NSUN2: variants seen among roughly 807,000 people sequenced by gnomAD.
NSUN2 encodes NOP2/Sun RNA methyltransferase 2, also known as RNA cytosine C(5)-methyltransferase NSUN2.
NSUN2 carries 63 observed loss-of-function variants against 92.7 expected under a neutral mutation model. The observed-to-expected ratio is 0.68, with a 90% CI of 0.56 to 0.84. The LOEUF (loss-of-function observed/expected upper bound fraction) is 0.84, where lower values mean the gene tolerates loss of function less well. NSUN2 is among the 40% of genes least tolerant of loss of function. NSUN2 has a pLI of 0.00. For missense variants in NSUN2, 989 were observed against 964.9 expected, an observed-to-expected ratio of 1.02 and a Z score of -0.33; for synonymous variants, 356 against 348.3, an observed-to-expected ratio of 1.02 and a Z score of -0.25.
intron 3 of NSUN2, among the ~76,000 whole-genome samples, chr5:6,631,588 G>C (rs984510934): frequency 2.0e-5 from 3 of 152,214 alleles, no homozygotes; most frequent in African/African-American, 7.2e-5. Context: ...GAGAAAACAA[G>C]GGCTGTAAAA....
chr5:6,616,866 AG>A lies in NSUN2; in HGVS notation c.891-10del. 1.2e-6 allele frequency: 2 copies of A among 1,609,656 alleles called. No individual in the cohort carries two copies. Among genetic ancestry groups the A allele is most frequent in the Non-Finnish European group, 1.7e-6 (2 of 1,177,714 alleles). Reference sequence around the variant, plus strand: ...CAATCCGCAGCTGTAAGCTAAGGGGAGATATCAGATGACTGCAAGGCCAAAT... The same window carrying A: ...CAATCCGCAGCTGTAAGCTAAGGGGAATATCAGATGACTGCAAGGCCAAAT... On this transcript the variant is annotated splice_polypyrimidine_tract_variant and intron_variant, in intron 8 of 18. Transcript: ENST00000264670.
At chr5:6,630,268 C>G (rs759358341) in intron 3 of NSUN2, among the ~76,000 whole-genome samples, 1 of 152,192 alleles carries the variant, frequency 6.6e-6, no homozygotes, top group African/African-American at 2.4e-5. Context: ...CTATACTGTA[C>G]CCTTCAAGCT....
At chr5:6,622,932 C>T (rs1737508411) in intron 5 of NSUN2, among the ~76,000 whole-genome samples, 1 of 149,706 alleles carries the variant, frequency 6.7e-6, no homozygotes, top group South Asian at 2.1e-4. Flanking sequence ...CTATCATTTT[C>T]AACCTAATTT....
At position 6,604,249 on chromosome 5, in the gene NSUN2, T is replaced by G. The variant is rs1736669396; in HGVS notation, c.1846A>C (p.Asn616His). The G allele has an allele frequency of 6.3e-7, 1 of 1,599,206 alleles. No homozygotes were observed. The highest frequency in any genetic ancestry group is 8.6e-7 in the Non-Finnish European group (1 of 1,166,996). ...ATTGATACAGTAATAATTCTTGAGT[T>G]AATAAATGGATACAATGTATATATT... The part of the protein sequence containing the change: ...EGIYTLYPFI[N>H]SRIITVSMED... Residue 616 changes from asparagine (N) to histidine (H), a missense_variant, in exon 17 of 19, where the codon AAC (asparagine) becomes CAC (histidine). By Grantham distance (68) the Asn-to-His change is moderately conservative. This residue lies in a region of NSUN2 where 626 missense variants were observed against 602.3 expected (regional missense o/e 1.04). Transcript: ENST00000264670.
chr5:6,611,656 T>C, intron 10 of NSUN2, 69 bp downstream of exon 10: 2 of 1,322,582 alleles, frequency 1.5e-6, no homozygotes, highest in East Asian at 2.3e-5. Context: ...GTGAATGCTT[T>C]GAAACTTGAC....
At chr5:6,607,098 G>GC (rs1239926501) in intron 13 of NSUN2, 102 bp downstream of exon 13, 5 of 1,204,028 alleles carry the variant, frequency 4.2e-6, no homozygotes, top group Non-Finnish European at 6.1e-6. Context: ...CACATGTACT[G>GC]CCCCCTCAAA....
chr5:6,602,640 T>A, intron 17 of NSUN2, 140 bp from the exon 18 acceptor site: 1 of 854,452 alleles, frequency 1.2e-6, no homozygotes, highest in South Asian at 1.5e-5. Flanking sequence ...GCTTCAAGGA[T>A]CTAGATGGTG....
At chr5:6,620,420 G>T in intron 6 of NSUN2, 122 bp from the exon 7 acceptor site, 1 of 713,804 alleles carries the variant, frequency 1.4e-6, no homozygotes, top group Non-Finnish European at 2.2e-6. Context: ...AAGACCCACA[G>T]TCAAGGTTTT....
At chr5:6,602,183 T>C (rs2126466806) in intron 18 of NSUN2, among the ~76,000 whole-genome samples, 1 of 152,154 alleles carries the variant, frequency 6.6e-6, no homozygotes, top group East Asian at 1.9e-4. Flanking sequence ...ACAGAAATTT[T>C]CATTGGTTTC....
At chr5:6,619,735 A>G (rs543311040) in intron 7 of NSUN2, among the ~76,000 whole-genome samples, 13 of 152,368 alleles carry the variant, frequency 8.5e-5, no homozygotes, top group African/African-American at 3.1e-4. Context: ...TACTGTACTC[A>G]CTGGAAGAAC....
At position 6,632,950 on chromosome 5, in the gene NSUN2, G is replaced by C; in HGVS notation, c.30C>G (p.Leu10=). 6.7e-7 allele frequency: 1 copy of C among 1,500,826 alleles called. No homozygotes were observed. Among genetic ancestry groups the C allele is most frequent in the Non-Finnish European group, 8.8e-7 (1 of 1,133,116 alleles). The allele number at this position is 1,500,826 out of a possible 1,614,324, so 93.0% of individuals were successfully genotyped here. Residue 10 remains leucine, a synonymous_variant, in exon 1 of 19, where the codon CTC becomes CTG. Coordinates refer to ENST00000264670, the MANE Select transcript of NSUN2 (RefSeq NM_017755.6). MGRRSRGRR[L]QQQQRPEDAE... ...CGTCCTCCGGCCGCTGCTGTTGCTG[G>C]AGCCGCCGACCCCGCGACCGCCGCC... is the stretch of plus-strand genomic sequence containing the variant.
intron 18 of NSUN2, among the ~76,000 whole-genome samples, chr5:6,602,120 A>G (rs1736583685): frequency 6.6e-6 from 1 of 152,246 alleles, no homozygotes; most frequent in Admixed American, 6.5e-5. Context: ...CCATGAGGAC[A>G]AAAGAACGGA....
At position 6,631,817 on chromosome 5, in the gene NSUN2, G is replaced by A. The variant is rs1420264321; in HGVS notation, c.359+56C>T. On this transcript the variant is annotated intron_variant, in intron 3 of 18. Transcript: ENST00000264670. ...TGCAGTACCAAGAAATATAATTCAA[G>A]TGATAGAGATTAATATCCCAAATAA... is the stretch of plus-strand genomic sequence containing the variant. The A allele has an allele frequency of 5.6e-6, 7 of 1,257,326 alleles. No individual in the cohort carries two copies. The East Asian group carries it at 1.2e-4, about 21-fold the overall frequency. The allele number at this position is 1,257,326 out of a possible 1,614,324, so 77.9% of individuals were successfully genotyped here.
At position 6,604,243 on chromosome 5, in the gene NSUN2, T is replaced by C. The variant is rs1273600070; in HGVS notation, c.1852A>G (p.Arg618Gly). 1 of 1,602,950 alleles carries C rather than the reference T, an allele frequency of 6.2e-7. No homozygotes were observed. Among genetic ancestry groups the C allele is most frequent in the Non-Finnish European group, 8.5e-7 (1 of 1,170,232 alleles). The change falls in exon 17 of 19, where the codon AGA becomes GGA. Residue 618 changes from arginine to glycine, a missense_variant. Transcript: ENST00000264670. ...TCTTCCATTGATACAGTAATAATTC[T>C]TGAGTTAATAAATGGATACAATGTA... ...IYTLYPFINS[R>G]IITVSMEDVK...
chr5:6,628,454 T>C (rs184462458), intron 3 of NSUN2, among the ~76,000 whole-genome samples: 3 of 152,356 alleles, frequency 2.0e-5, no homozygotes, highest in Admixed American at 2.0e-4. Flanking sequence ...TAATTTCTCA[T>C]TGTTCTGAGT....
chr5:6,632,055 C>T, intron 2 of NSUN2, 78 bp from the exon 3 acceptor site: 1 of 1,210,542 alleles, frequency 8.3e-7, no homozygotes, highest in Non-Finnish European at 1.2e-6. Flanking sequence ...TTTAAGACTG[C>T]AAGTGTTTTA....
intron 14 of NSUN2, 95 bp from the exon 15 acceptor site, chr5:6,605,503 C>A: frequency 7.3e-7 from 1 of 1,366,304 alleles, no homozygotes. Context: ...AATTCAATCC[C>A]CAAAACTGCA....
intron 9 of NSUN2, 30 bp from the exon 10 acceptor site, chr5:6,611,828 T>C: frequency 6.2e-7 from 1 of 1,602,064 alleles, no homozygotes; most frequent in Non-Finnish European, 8.5e-7. Context: ...ACGTCTTTTG[T>C]TTTTCAAAAA....
chr5:6,610,901 G>A, intron 11 of NSUN2, 54 bp downstream of exon 11: 2 of 1,603,002 alleles, frequency 1.2e-6, no homozygotes, highest in African/African-American at 1.3e-5. Context: ...CAGCTCACCA[G>A]GGATGGGGCT....
Sources: allele counts gnomAD v4.1 joint callset (sites outside exome capture counted in the v4.1 genomes callset), GRCh38; gene constraint gnomAD v4.1.1; regional missense constraint gnomAD v4.1.1; transcripts MANE v1.5; gene names NCBI Gene and HGNC (gene_info 2026-07-23, HGNC 2026-07-21).